The following SDK2 variants were observed in gnomAD, a reference collection of about 807,000 sequenced individuals.
The protein encoded by SDK2 is sidekick cell adhesion molecule 2.
A neutral mutation model predicts 253.9 loss-of-function variants in SDK2; 105 were observed. The ratio of observed to expected loss-of-function variants is 0.41; its 90% CI spans 0.35 to 0.49. SDK2 has a LOEUF of 0.49. SDK2 is among the 20% of genes least tolerant of loss of function. The pLI is 0.06. For missense variants in SDK2, 2,608 were observed against 3,003.0 expected (o/e 0.87, Z 3.07); for synonymous variants, 1,249 against 1,234.9 (o/e 1.01, Z -0.24).
intron 39 of SDK2, among the ~76,000 whole-genome samples, chr17:73,359,082 A>G (rs1384785933): frequency 6.6e-6 from 1 of 151,936 alleles, no homozygotes; most frequent in East Asian, 1.9e-4. Flanking sequence ...GCTCCCCACC[A>G]AAGGTGGGGC....
intron 43 of SDK2, 93 bp downstream of exon 43, chr17:73,350,144 G>T: frequency 4.2e-6 from 3 of 712,216 alleles, no homozygotes; most frequent in Non-Finnish European, 5.1e-6. Context: ...GGTATGGCCA[G>T]GTGGGCACTC....
At position 73,350,264 on chromosome 17, in the gene SDK2, A is replaced by C. The variant is rs749916035; in HGVS notation, c.6011T>G (p.Phe2004Cys). The change falls in exon 43 of 45, where the codon TTC (phenylalanine) becomes TGC (cysteine). Residue 2004 changes from phenylalanine (F) to cysteine (C), a missense_variant. Physicochemically the swap from Phe to Cys is radical, Grantham distance 205 (BLOSUM62 -2). This residue lies in a region of SDK2 where 1,103 missense variants were observed against 1,143.9 expected (regional missense o/e 0.96). Coordinates refer to ENST00000392650, the MANE Select transcript of SDK2 (RefSeq NM_001144952.2). Reference sequence around the variant, plus strand: ...GGTGTACAGGCCGTTCTTTCGGCAGAAAGAGTTCTTGACGGAGAGCCGCCT... The same window carrying C: ...GGTGTACAGGCCGTTCTTTCGGCAGCAAGAGTTCTTGACGGAGAGCCGCCT... ...NNRRLSVKNS[F>C]CRKNGLYTRS... 6.6e-7 allele frequency: 1 copy of C among 1,511,464 alleles called. No homozygotes were observed. The highest frequency in any genetic ancestry group is 2.5e-5 in the East Asian group (1 of 39,740). 93.6% of individuals were successfully genotyped at this position (1,511,464 alleles called of 1,614,324 possible).
At chr17:73,530,401 T>A (rs554253245) in intron 1 of SDK2, among the ~76,000 whole-genome samples, 1 of 152,178 alleles carries the variant, frequency 6.6e-6, no homozygotes, top group South Asian at 2.1e-4. Flanking sequence ...TCATGAGAAC[T>A]CCCTCACTAT....
chr17:73,583,197 C>T (rs1011255657), intron 1 of SDK2, among the ~76,000 whole-genome samples: 4 of 152,206 alleles, frequency 2.6e-5, no homozygotes, highest in Non-Finnish European at 4.4e-5. Context: ...AGTTTTTAAT[C>T]GAATGTCTGT....
At chr17:73,588,387 C>CAAAAAAAAAA (rs1215654213) in intron 1 of SDK2, among the ~76,000 whole-genome samples, 20 of 59,002 alleles carry the variant, frequency 3.4e-4, no homozygotes, top group African/African-American at 8.2e-4. Flanking sequence ...AACTCCATCT[C>CAAAAAAAAAA]AAAAAAAAAA....
At chr17:73,505,529 G>C (rs1316760642) in intron 2 of SDK2, among the ~76,000 whole-genome samples, 4 of 151,100 alleles carry the variant, frequency 2.6e-5, no homozygotes, top group Non-Finnish European at 5.9e-5. Flanking sequence ...ATCGTCAATA[G>C]CTGGACCTCA....
intron 3 of SDK2, among the ~76,000 whole-genome samples, chr17:73,469,992 G>GCGCGCGCGCACA (rs1328450219): frequency 1.1e-3 from 143 of 126,260 alleles, no homozygotes; most frequent in African/African-American, 3.5e-3. Flanking sequence ...GCGCGCGCGC[G>GCGCGCGCGCACA]CACACACACA....
chr17:73,412,428 A>G (rs2063147245), intron 18 of SDK2, among the ~76,000 whole-genome samples: 1 of 151,842 alleles, frequency 6.6e-6, no homozygotes, highest in Non-Finnish European at 1.5e-5. Context: ...ATGAGCCACC[A>G]TGCCTGGTCT....
At position 73,496,927 on chromosome 17, in the gene SDK2, C is replaced by T. The variant is rs927713179; in HGVS notation, c.224+10511G>A. On this transcript the variant is annotated intron_variant, in intron 2 of 44. Transcript: ENST00000392650. This position sits in a 1 kb window ranked among gnomAD's most constrained non-coding sequence, Gnocchi z 4.7. ...TTATTTATGTTTTGAGATGGGGTCTCGCTTTGTCGCCTAGGTAGGAATGCA... is the reference window on the plus strand; with the variant it reads ...TTATTTATGTTTTGAGATGGGGTCTTGCTTTGTCGCCTAGGTAGGAATGCA... Among the ~76,000 whole-genome samples, 15 of 152,200 alleles carry T rather than the reference C, an allele frequency of 9.9e-5. No individual in the cohort carries two copies. The highest frequency in any genetic ancestry group is 1.5e-4 in the Non-Finnish European group (10 of 68,050).
At chr17:73,381,981 G>A (rs1176317946) in intron 33 of SDK2, among the ~76,000 whole-genome samples, 2 of 150,880 alleles carry the variant, frequency 1.3e-5, no homozygotes, top group Non-Finnish European at 3.0e-5. Flanking sequence ...TCGGAAGGCC[G>A]AGGCAGGTGG....
rs1282618091 is a variant in SDK2 at position 73,338,421 on chromosome 17, C to T, written c.*166G>A. The T allele has an allele frequency of 1.4e-6, 1 of 700,756 alleles. No homozygotes were observed. The highest frequency in any genetic ancestry group is 2.6e-6 in the Non-Finnish European group (1 of 386,322). The allele number at this position is 700,756 out of a possible 1,614,324, so 43.4% of individuals were successfully genotyped here. A position where few individuals can be genotyped will look rare whatever the true frequency, so the allele number is the denominator to read the frequency against. On this transcript the variant is annotated 3_prime_UTR_variant, in exon 45 of 45. Transcript: ENST00000392650. The surrounding 1 kb of genome is among the most constrained non-coding windows in gnomAD (Gnocchi z 5.0). The stretch of plus-strand genomic sequence containing the variant: ...ACATCCTCTCACGGTTTTCTCCCTC[C>T]TTCTGAACGCCGGCTTTGCTGGCCC...
At chr17:73,489,935 C>T (rs1005815223) in intron 2 of SDK2, among the ~76,000 whole-genome samples, 2 of 152,138 alleles carry the variant, frequency 1.3e-5, no homozygotes, top group African/African-American at 2.4e-5. Flanking sequence ...TTAAAAAGGC[C>T]ATTTTTAACA....
intron 3 of SDK2, among the ~76,000 whole-genome samples, chr17:73,462,573 GA>G (rs367952532): frequency 6.8e-4 from 103 of 152,236 alleles, no homozygotes; most frequent in South Asian, 2.1e-3. Flanking sequence ...TGTATGGTGA[GA>G]GGGGTGGTTG....
At chr17:73,501,256 A>ACACACC (rs1313187556) in intron 2 of SDK2, among the ~76,000 whole-genome samples, 7 of 151,794 alleles carry the variant, frequency 4.6e-5, no homozygotes, top group African/African-American at 1.7e-4. Flanking sequence ...ACACACACAC[A>ACACACC]CACATATTTT....
intron 10 of SDK2, among the ~76,000 whole-genome samples, chr17:73,432,500 T>A (rs1234600067): frequency 6.6e-6 from 1 of 152,088 alleles, no homozygotes; most frequent in African/African-American, 2.4e-5. Flanking sequence ...GCCCCTATTA[T>A]CCCCACAAAT....
chr17:73,433,262 G>C (rs2040043807), intron 10 of SDK2, among the ~76,000 whole-genome samples: 1 of 151,804 alleles, frequency 6.6e-6, no homozygotes, highest in Non-Finnish European at 1.5e-5. Flanking sequence ...CCTTGAGCCT[G>C]GCAAGGCTGG....
chr17:73,431,378 C>G lies in SDK2; in HGVS notation c.1480+124G>C. 1 of 939,690 alleles carries G rather than the reference C, an allele frequency of 1.1e-6. No individual in the cohort carries two copies. The highest frequency in any genetic ancestry group is 1.6e-6 in the Non-Finnish European group (1 of 641,940). 58.2% of individuals were successfully genotyped at this position (939,690 alleles called of 1,614,324 possible). A position where few individuals can be genotyped will look rare whatever the true frequency, so the allele number is the denominator to read the frequency against. On this transcript the variant is annotated intron_variant, in intron 11 of 44. Coordinates refer to ENST00000392650, the MANE Select transcript of SDK2 (RefSeq NM_001144952.2). The surrounding 1 kb of genome is among the most constrained non-coding windows in gnomAD (Gnocchi z 5.6). ...TGAGAAGGGCCCTGACTGGGACAGA[C>G]ACTGGGGATGGAGACACTGGTGGTA...
At chr17:73,549,778 G>C (rs993509862) in intron 1 of SDK2, among the ~76,000 whole-genome samples, 1 of 152,144 alleles carries the variant, frequency 6.6e-6, no homozygotes. Flanking sequence ...AGAGGGGTGA[G>C]AGCGGGGCTC....
intron 5 of SDK2, among the ~76,000 whole-genome samples, 194 bp from the exon 6 acceptor site, chr17:73,441,117 G>C (rs1477497800): frequency 6.6e-6 from 1 of 152,094 alleles, no homozygotes; most frequent in African/African-American, 2.4e-5. Flanking sequence ...CTGTTGATGA[G>C]TCACCACACC....
Sources: gnomAD v4.1 joint callset for allele counts (sites outside exome capture counted in the v4.1 genomes callset) on GRCh38, gnomAD v4.1.1 for gene constraint, gnomAD v4.1.1 regional missense constraint, Gnocchi (gnomAD v3.1) non-coding constraint, MANE v1.5 for transcripts, NCBI Gene and HGNC (gene_info 2026-07-23, HGNC 2026-07-21) for gene names.